MEF2A: variants seen among roughly 807,000 people sequenced by gnomAD.
The protein encoded by MEF2A is myocyte-specific enhancer factor 2A.
In MEF2A, 28 loss-of-function variants were observed where a neutral mutation model predicts 55.8. That is an observed-to-expected ratio of 0.50 (90% CI 0.37 to 0.69). The LOEUF is 0.69. Among genes scored for constraint, MEF2A ranks in the 30% least tolerant of loss-of-function variants. MEF2A has a pLI of 0.00. For missense variants in MEF2A, 528 were observed against 626.2 expected, an observed-to-expected ratio of 0.84 and a Z score of 1.67; for synonymous variants, 239 against 227.1, an observed-to-expected ratio of 1.05 and a Z score of -0.47.
intron 9 of MEF2A, 132 bp downstream of exon 9, chr15:99,703,517 A>AGTGTTT: frequency 2.8e-6 from 2 of 725,170 alleles, no homozygotes; most frequent in Non-Finnish European, 4.3e-6. Flanking sequence ...CACTTTGAAT[A>AGTGTTT]AAGCAATCTA....
chr15:99,653,869 T>C (rs1290738150), intron 4 of MEF2A, among the ~76,000 whole-genome samples: 2 of 152,152 alleles, frequency 1.3e-5, no homozygotes, highest in Non-Finnish European at 2.9e-5. Flanking sequence ...TTTTCAAATA[T>C]CTGGTTTATT....
At chr15:99,711,315 C>A (rs186878370) in intron 11 of MEF2A, among the ~76,000 whole-genome samples, 1 of 152,322 alleles carries the variant, frequency 6.6e-6, no homozygotes, top group African/African-American at 2.4e-5. Context: ...CAGTCAGGCT[C>A]CATAGGATTT....
chr15:99,667,448 C>A (rs918907275), intron 4 of MEF2A, among the ~76,000 whole-genome samples: 1 of 152,144 alleles, frequency 6.6e-6, no homozygotes, highest in African/African-American at 2.4e-5. Flanking sequence ...TGGTCTCAAT[C>A]TCCTGACCTC....
At chr15:99,618,555 G>T (rs573789353) in intron 2 of MEF2A, among the ~76,000 whole-genome samples, 2 of 152,226 alleles carry the variant, frequency 1.3e-5, no homozygotes, top group Middle Eastern at 6.8e-3. Flanking sequence ...TTATATTAGA[G>T]AATATTCTTC....
chr15:99,706,631 CAT>C lies in MEF2A; in HGVS notation c.883-95_883-94del. ...CATCAGTGCTTCAGAAAATGACATT[CAT>C]ATGAAACTGTGAAAAATGTCACTTA... On this transcript the variant is annotated intron_variant, in intron 9 of 11. Transcript: ENST00000557942. 6 of 1,335,920 alleles carry C rather than the reference CAT, an allele frequency of 4.5e-6. No individual in the cohort carries two copies. In the East Asian group the frequency reaches 7.0e-5, roughly 15 times the overall value. The allele number at this position is 1,335,920 out of a possible 1,614,324, so 82.8% of individuals were successfully genotyped here.
chr15:99,669,592 T>C lies in MEF2A; in HGVS notation c.259-1731T>C, dbSNP rs1265123912. 8.5e-5 allele frequency among the ~76,000 whole-genome samples: 13 copies of C among 152,350 alleles called. 1 individual carries two copies. Among genetic ancestry groups the C allele is most frequent in the East Asian group, 5.8e-4 (3 of 5,194 alleles). On this transcript the variant is annotated intron_variant, in intron 4 of 11. Transcript: ENST00000557942. ...TGCCATGGAGAAAATGTTGGAGAAA[T>C]AGATGTTGTGTTTGCTATATGCACA...
chr15:99,672,339 CTT>C (rs971112585), intron 5 of MEF2A, among the ~76,000 whole-genome samples: 1 of 152,184 alleles, frequency 6.6e-6, no homozygotes, highest in Non-Finnish European at 1.5e-5. Flanking sequence ...CAAATAGTGA[CTT>C]TACAGTTTCT....
intron 4 of MEF2A, among the ~76,000 whole-genome samples, chr15:99,668,982 G>A (rs2050342409): frequency 6.6e-6 from 1 of 152,158 alleles, no homozygotes; most frequent in Non-Finnish European, 1.5e-5. Flanking sequence ...TTCTCTCATG[G>A]TGACAGAAAC....
chr15:99,666,417 T>C (rs551595256), intron 4 of MEF2A, among the ~76,000 whole-genome samples: 6 of 152,006 alleles, frequency 3.9e-5, no homozygotes. Flanking sequence ...GAGCGGAACA[T>C]CACACACTGG....
intron 1 of MEF2A, among the ~76,000 whole-genome samples, chr15:99,571,395 G>A (rs1021356474): frequency 1.3e-5 from 2 of 152,148 alleles, no homozygotes; most frequent in Non-Finnish European, 2.9e-5. Flanking sequence ...ATAAAGTGCA[G>A]TGCCTGGTAT....
At chr15:99,600,548 G>T (rs1972630653) in intron 2 of MEF2A, among the ~76,000 whole-genome samples, 1 of 152,104 alleles carries the variant, frequency 6.6e-6, no homozygotes, top group Admixed American at 6.6e-5. Flanking sequence ...CTACTACATT[G>T]AGGTCAGTGA....
At chr15:99,611,417 G>A (rs972775183) in intron 2 of MEF2A, among the ~76,000 whole-genome samples, 6 of 152,178 alleles carry the variant, frequency 3.9e-5, no homozygotes, top group African/African-American at 1.4e-4. Context: ...ATAGGCACAT[G>A]AAAAGATGCT....
rs934152644 is a variant in MEF2A at position 99,712,050 on chromosome 15, C to T, written c.1137-340C>T. Among the ~76,000 whole-genome samples, 5 of 152,224 alleles carry T rather than the reference C, an allele frequency of 3.3e-5. No individual in the cohort carries two copies. Among genetic ancestry groups the T allele is most frequent in the African/African-American group, 7.2e-5 (3 of 41,454 alleles). On this transcript the variant is annotated intron_variant, in intron 11 of 11. Transcript: ENST00000557942. The surrounding 1 kb of genome is among the most constrained non-coding windows in gnomAD (Gnocchi z 4.1). The stretch of plus-strand genomic sequence containing the variant: ...GGAGCAGATGCTGAGGAAGAAGAGG[C>T]GGTGAGCAGATGAGGCTGCTGTTCC...
chr15:99,581,696 T>G (rs1414791595), intron 1 of MEF2A, among the ~76,000 whole-genome samples: 1 of 152,142 alleles, frequency 6.6e-6, no homozygotes, highest in African/African-American at 2.4e-5. Context: ...AAGATATAGC[T>G]CTTTGCTTCT....
In MEF2A at chr15:99,715,707, C is replaced by G. The variant is rs1410107798; in HGVS notation, c.*2936C>G. 1 of 152,134 alleles carries G rather than the reference C, an allele frequency of 6.6e-6. No individual in the cohort carries two copies. Among genetic ancestry groups the G allele is most frequent in the Non-Finnish European group, 1.5e-5 (1 of 68,036 alleles). The allele number at this position is 152,134 out of a possible 1,614,324, so 9.4% of individuals were successfully genotyped here. On this transcript the variant is annotated 3_prime_UTR_variant, in exon 12 of 12. Coordinates refer to ENST00000557942, the MANE Select transcript of MEF2A (RefSeq NM_001319206.4). ...ACCATTGCAAGAAAATTTTATCCCT[C>G]CAGAAGTATTTTATTACTAAAGAAC...
At chr15:99,691,421 G>A (rs2055431465) in intron 8 of MEF2A, among the ~76,000 whole-genome samples, 1 of 152,090 alleles carries the variant, frequency 6.6e-6, no homozygotes, top group Admixed American at 6.6e-5. Flanking sequence ...TACCAGGCAG[G>A]GTACAGTGGC....
chr15:99,570,115 T>G (rs750011785), intron 1 of MEF2A, among the ~76,000 whole-genome samples: 12 of 152,110 alleles, frequency 7.9e-5, no homozygotes, highest in Non-Finnish European at 1.3e-4. Flanking sequence ...ATCATAAGCA[T>G]ATGAGTTAAA....
rs957636121 is a variant in MEF2A, at chr15:99,598,444, G to GA, written c.-204dup. The stretch of plus-strand genomic sequence containing the variant: ...TCTTTTTTAAGGAATTGCATTTTGT[G>GA]AAAAAAGAACAAGAATTTTCTGCAA... On this transcript the variant is annotated 5_prime_UTR_variant, in exon 2 of 12. Coordinates refer to ENST00000557942, the MANE Select transcript of MEF2A (RefSeq NM_001319206.4). 6.6e-6 allele frequency: 1 copy of GA among 151,966 alleles called. No homozygotes were observed. Among genetic ancestry groups the GA allele is most frequent in the Non-Finnish European group, 1.5e-5 (1 of 67,974 alleles). 9.4% of individuals were successfully genotyped at this position (151,966 alleles called of 1,614,324 possible). A position where few individuals can be genotyped will look rare whatever the true frequency, so the allele number is the denominator to read the frequency against.
At chr15:99,697,460 TA>T (rs368420876) in intron 8 of MEF2A, among the ~76,000 whole-genome samples, 16 of 148,228 alleles carry the variant, frequency 1.1e-4, no homozygotes, top group African/African-American at 3.0e-4. Flanking sequence ...GTTTGAAATT[TA>T]AAAAAAAAAA....
Sources: allele counts gnomAD v4.1 joint callset (sites outside exome capture counted in the v4.1 genomes callset), GRCh38; gene constraint gnomAD v4.1.1; non-coding constraint Gnocchi (gnomAD v3.1); transcripts MANE v1.5; gene names NCBI Gene and HGNC (gene_info 2026-07-23, HGNC 2026-07-21).